The following BAZ2B variants were observed in gnomAD, a reference collection of about 807,000 sequenced individuals.
The protein encoded by BAZ2B is bromodomain adjacent to zinc finger domain 2B.
A neutral mutation model predicts 246.0 loss-of-function variants in BAZ2B; 91 were observed. The ratio of observed to expected loss-of-function variants is 0.37; its 90% CI spans 0.31 to 0.44. The LOEUF (loss-of-function observed/expected upper bound fraction) is 0.44. Ranked by LOEUF, BAZ2B falls within the 20% of genes least tolerant of loss-of-function variation. BAZ2B has a pLI of 1.00. For synonymous variants in BAZ2B, 855 were observed against 860.0 expected (o/e 0.99, Z 0.10); for missense variants, 2,332 against 2,533.7 (o/e 0.92, Z 1.71).
At chr2:159,538,185 C>T (rs191039818) in intron 2 of BAZ2B, among the ~76,000 whole-genome samples, 19 of 152,170 alleles carry the variant, frequency 1.2e-4, no homozygotes, top group Admixed American at 1.0e-3. Context: ...TTAGTAGAAA[C>T]AGGGCTTTCA....
chr2:159,637,974 C>A, the BAZ2B span, among the ~76,000 whole-genome samples: 1 of 152,344 alleles, frequency 6.6e-6, no homozygotes, highest in African/African-American at 2.4e-5. Flanking sequence ...GGGCAAGGCC[C>A]ATTGCTGTGC....
the BAZ2B span, among the ~76,000 whole-genome samples, chr2:159,648,054 A>G: frequency 6.6e-6 from 1 of 152,154 alleles, no homozygotes; most frequent in Non-Finnish European, 1.5e-5. Flanking sequence ...ACTTGTGGAA[A>G]CCTTAACATA....
chr2:159,432,881 T>C lies in BAZ2B; in HGVS notation c.1776A>G (p.Arg592=). 1 of 1,614,200 alleles carries C rather than the reference T, an allele frequency of 6.2e-7. No homozygotes were observed. The highest frequency in any genetic ancestry group is 2.2e-5 in the East Asian group (1 of 44,884). ...HPAKSLVEQF[R]GTDSDIPSSK... ...TACTGGGAATGTCTGAATCTGTTCC[T>C]CTGAATTGTTCCACTAAAGATTTTG... The change falls in exon 9 of 37, where the codon AGA becomes AGG. Residue 592 remains arginine (R), a synonymous_variant. Coordinates refer to ENST00000392783, the MANE Select transcript of BAZ2B (RefSeq NM_013450.4).
At chr2:159,574,870 T>G (rs1248584791) in intron 1 of BAZ2B, among the ~76,000 whole-genome samples, 1 of 151,378 alleles carries the variant, frequency 6.6e-6, no homozygotes, top group African/African-American at 2.4e-5. Context: ...CTCAAGAAGC[T>G]GAGGCAGGAG....
chr2:159,538,153 T>C (rs914677947), intron 2 of BAZ2B, among the ~76,000 whole-genome samples: 4 of 152,060 alleles, frequency 2.6e-5, no homozygotes, highest in Admixed American at 6.6e-5. Context: ...CGCACCACCA[T>C]GTCTGGCTAA....
intron 17 of BAZ2B, among the ~76,000 whole-genome samples, 185 bp downstream of exon 17, chr2:159,400,414 T>C (rs2064801464): frequency 6.6e-6 from 1 of 152,218 alleles, no homozygotes; most frequent in South Asian, 2.1e-4. Context: ...TGTATATCTT[T>C]ACTGTTGGGA....
chr2:159,402,492 C>T (rs2065243535), intron 16 of BAZ2B, among the ~76,000 whole-genome samples: 1 of 151,588 alleles, frequency 6.6e-6, no homozygotes, highest in Admixed American at 6.6e-5. Flanking sequence ...AAAAACAAAA[C>T]CCAAAACCCC....
chr2:159,678,655 A>G, the BAZ2B span, among the ~76,000 whole-genome samples: 1 of 152,174 alleles, frequency 6.6e-6, no homozygotes, highest in Non-Finnish European at 1.5e-5. Flanking sequence ...TTACTATTCT[A>G]CATTTTTTCC....
chr2:159,537,752 C>A (rs10189679), intron 2 of BAZ2B, among the ~76,000 whole-genome samples: 114,771 of 152,110 alleles, frequency 0.75, 44,986 homozygotes, highest in Non-Finnish European at 0.85. Flanking sequence ...CTCCAGCTTC[C>A]AGAATTTTGT....
At chr2:159,335,064 C>T (rs2065396950) in intron 33 of BAZ2B, among the ~76,000 whole-genome samples, 1 of 151,992 alleles carries the variant, frequency 6.6e-6, no homozygotes, top group South Asian at 2.1e-4. Context: ...GCATGCACCA[C>T]CATAACTGGC....
At chr2:159,598,879 A>G (rs1339425908) in intron 1 of BAZ2B, among the ~76,000 whole-genome samples, 1 of 151,822 alleles carries the variant, frequency 6.6e-6, no homozygotes, top group African/African-American at 2.4e-5. Flanking sequence ...AATAAAATAT[A>G]GCTGTTAACT....
the BAZ2B span, among the ~76,000 whole-genome samples, chr2:159,636,481 C>G: frequency 6.6e-6 from 1 of 152,118 alleles, no homozygotes; most frequent in Non-Finnish European, 1.5e-5. Flanking sequence ...GGCTTTTGGA[C>G]TACAGCATTT....
intron 2 of BAZ2B, among the ~76,000 whole-genome samples, chr2:159,508,385 A>C (rs1325559975): frequency 6.6e-6 from 1 of 152,128 alleles, no homozygotes; most frequent in Non-Finnish European, 1.5e-5. Flanking sequence ...TTATCTAATT[A>C]CTGAATTTGT....
In BAZ2B at chr2:159,324,649, C is replaced by T. The variant is rs887598895; in HGVS notation, c.6353+162G>A. On this transcript the variant is annotated intron_variant, in intron 36 of 36. Coordinates refer to ENST00000392783, the MANE Select transcript of BAZ2B (RefSeq NM_013450.4). ...ATACACACACACACACACACACACA[C>T]ACACACACACACACACACACACACA... Among the ~76,000 whole-genome samples, 830 of 39,332 alleles carry T rather than the reference C, an allele frequency of 0.021. 11 individuals are homozygous for T. Among genetic ancestry groups the T allele is most frequent in the African/African-American group, 0.058 (587 of 10,062 alleles). The allele number at this position is 39,332 out of a possible 152,430, so 25.8% of individuals were successfully genotyped here. A position where few individuals can be genotyped will look rare whatever the true frequency, so the allele number is the denominator to read the frequency against.
the BAZ2B span, among the ~76,000 whole-genome samples, chr2:159,656,039 A>G: frequency 6.6e-6 from 1 of 152,098 alleles, no homozygotes; most frequent in Non-Finnish European, 1.5e-5. Context: ...TGACTTTTAG[A>G]GAGCATGTAG....
At chr2:159,376,491 G>A (rs1459845105) in intron 25 of BAZ2B, among the ~76,000 whole-genome samples, 1 of 152,022 alleles carries the variant, frequency 6.6e-6, no homozygotes, top group Admixed American at 6.6e-5. Context: ...CAGTTACAAA[G>A]GTATTTAGGC....
At chr2:159,398,225 A>AG (rs1227102010) in intron 18 of BAZ2B, 1 of 151,734 alleles carries the variant, frequency 6.6e-6, no homozygotes, top group Non-Finnish European at 1.5e-5. Context: ...GGGGGAGGGG[A>AG]GGAAGGGGAC....
chr2:159,407,646 G>C (rs1056003300), intron 14 of BAZ2B, among the ~76,000 whole-genome samples: 3 of 152,164 alleles, frequency 2.0e-5, no homozygotes, highest in Non-Finnish European at 2.9e-5. Context: ...TTTTAAAAAG[G>C]AGAAGAGATT....
chr2:159,344,370 A>G (rs1375284862), intron 31 of BAZ2B, among the ~76,000 whole-genome samples: 1 of 151,936 alleles, frequency 6.6e-6, no homozygotes, highest in Non-Finnish European at 1.5e-5. Flanking sequence ...CCCCGTCTCT[A>G]CTAAAAATAC....
Sources: allele counts gnomAD v4.1 joint callset (sites outside exome capture counted in the v4.1 genomes callset), GRCh38; gene constraint gnomAD v4.1.1; transcripts MANE v1.5; gene names NCBI Gene and HGNC (gene_info 2026-07-23, HGNC 2026-07-21).